The following UNC80 variants were observed in gnomAD, a reference collection of about 807,000 sequenced individuals.
UNC80 encodes protein unc-80 homolog.
In UNC80, 164 loss-of-function variants were observed where a neutral mutation model predicts 384.6. The ratio of observed to expected loss-of-function variants is 0.43; its 90% CI spans 0.38 to 0.49. UNC80 has a LOEUF of 0.49. Among genes scored for constraint, UNC80 ranks in the 20% least tolerant of loss-of-function variants. The pLI is 0.00. For missense variants in UNC80, 3,330 were observed against 4,143.0 expected, an observed-to-expected ratio of 0.80 and a Z score of 5.39; for synonymous variants, 1,486 against 1,527.8, an observed-to-expected ratio of 0.97 and a Z score of 0.64.
intron 61 of UNC80, among the ~76,000 whole-genome samples, chr2:209,991,082 T>G (rs1409078115): frequency 1.3e-5 from 2 of 152,202 alleles, no homozygotes. Flanking sequence ...TGCAGCTGGG[T>G]ATTTAAGTAG....
At chr2:209,929,199 G>A (rs914146487) in intron 36 of UNC80, among the ~76,000 whole-genome samples, 2 of 152,210 alleles carry the variant, frequency 1.3e-5, no homozygotes, top group African/African-American at 2.4e-5. Flanking sequence ...TGGGAAACAC[G>A]TTGAAACTAA....
chr2:209,829,144 G>A (rs2080769045), intron 14 of UNC80, 88 bp from the exon 15 acceptor site: 4 of 1,478,986 alleles, frequency 2.7e-6, no homozygotes, highest in Non-Finnish European at 3.6e-6. Flanking sequence ...GGAAACCCTT[G>A]CCTTCTGAAG....
intron 22 of UNC80, among the ~76,000 whole-genome samples, chr2:209,851,530 C>A (rs2082529488): frequency 6.6e-6 from 1 of 152,084 alleles, no homozygotes; most frequent in Non-Finnish European, 1.5e-5. Flanking sequence ...ATTAACTCAG[C>A]AAATGTCTTT....
rs572289194 is a variant in UNC80, at chr2:209,823,790, G to T, written c.2332-2117G>T. ...GATATTATGATTCCAATTTTGTAAG[G>T]CACAGGTAGGTTAAGTAGTTTGTCC... On this transcript the variant is annotated intron_variant, in intron 13 of 64. Transcript: ENST00000673920. Among the ~76,000 whole-genome samples the T allele has an allele frequency of 6.6e-5, 10 of 151,754 alleles. 1 individual carries two copies. The South Asian group carries it at 1.9e-3, about 28-fold the overall frequency.
chr2:209,784,300 G>C (rs1050754026), intron 4 of UNC80, among the ~76,000 whole-genome samples: 1 of 152,094 alleles, frequency 6.6e-6, no homozygotes, highest in African/African-American at 2.4e-5. Context: ...TCAACAGCCT[G>C]AGTGAACCTA....
chr2:209,904,262 TTC>T (rs1468123722), intron 28 of UNC80, among the ~76,000 whole-genome samples: 1 of 152,140 alleles, frequency 6.6e-6, no homozygotes, highest in African/African-American at 2.4e-5. Flanking sequence ...AAGGTTCAAG[TTC>T]TAGTTGAAGA....
intron 47 of UNC80, among the ~76,000 whole-genome samples, chr2:209,950,076 C>T (rs1266567490): frequency 6.6e-6 from 1 of 152,056 alleles, no homozygotes; most frequent in Non-Finnish European, 1.5e-5. Context: ...AAGTGTTCCT[C>T]CCACCTCAGC....
intron 61 of UNC80, 90 bp from the exon 62 acceptor site, chr2:209,992,076 G>A (rs1354845735): frequency 3.1e-6 from 3 of 980,072 alleles, no homozygotes; most frequent in Non-Finnish European, 4.6e-6. Context: ...TGAAGTGACT[G>A]TATCATACAA....
intron 31 of UNC80, among the ~76,000 whole-genome samples, chr2:209,914,552 C>G (rs2089296531): frequency 6.8e-6 from 1 of 146,098 alleles, no homozygotes; most frequent in Non-Finnish European, 1.5e-5. Flanking sequence ...GACCCGCCCC[C>G]CTCTCCCCAT....
intron 7 of UNC80, among the ~76,000 whole-genome samples, chr2:209,802,723 G>A (rs1293178942): frequency 6.6e-6 from 1 of 151,974 alleles, no homozygotes; most frequent in Admixed American, 6.6e-5. Flanking sequence ...CGATTTTAGG[G>A]GAAAACCCAG....
chr2:209,882,555 C>A (rs1031643445), intron 25 of UNC80, among the ~76,000 whole-genome samples: 4 of 152,156 alleles, frequency 2.6e-5, no homozygotes, highest in African/African-American at 4.8e-5. Flanking sequence ...GAAGTTTCTT[C>A]TACTGCCCTT....
chr2:209,777,029 G>A (rs560203316), intron 3 of UNC80, among the ~76,000 whole-genome samples: 11 of 152,180 alleles, frequency 7.2e-5, no homozygotes, highest in African/African-American at 2.7e-4. Context: ...AATATATTTG[G>A]GTACCTAACT....
rs1285111525 is a variant in UNC80 at position 209,771,985 on chromosome 2, G to A, written c.-88G>A. 3 of 948,710 alleles carry A rather than the reference G, an allele frequency of 3.2e-6. No homozygotes were observed. The highest frequency in any genetic ancestry group is 4.0e-5 in the Admixed American group (2 of 49,526). 58.8% of individuals were successfully genotyped at this position (948,710 alleles called of 1,614,324 possible). A position where few individuals can be genotyped will look rare whatever the true frequency, so the allele number is the denominator to read the frequency against. ...TCTGCCTCGGGGAAGGAGGGGATGA[G>A]AGTTGGGAGCAGCGGGAGGAGGCGG... On this transcript the variant is annotated 5_prime_UTR_variant, in exon 1 of 65. Transcript: ENST00000673920.
Position 209,819,262 on chromosome 2 carries a change from G to A in UNC80, c.1962+1G>A. 6.5e-7 allele frequency: 1 copy of A among 1,541,966 alleles called. No homozygotes were observed. Among genetic ancestry groups the A allele is most frequent in the South Asian group, 1.2e-5 (1 of 82,452 alleles). On this transcript the variant is annotated splice_donor_variant, in intron 12 of 64. Coordinates refer to ENST00000673920, the MANE Select transcript of UNC80 (RefSeq NM_001371986.1). LOFTEE classifies it high-confidence loss of function. ...CAAGAATGGAATGCTTGATCTTTCT[G>A]TAAGAAGCAAGAATTTTTCTTACCA...
In UNC80 at chr2:209,954,250, C is replaced by T. The variant is rs2092315942; in HGVS notation, c.7437C>T (p.Tyr2479=). 1.9e-6 allele frequency: 3 copies of T among 1,550,098 alleles called. No individual in the cohort carries two copies. In the East Asian group the frequency reaches 7.3e-5, roughly 38 times the overall value. ...CGACGTCCCTACAGGCCCTTTTGTA[C>T]AGTGTAGAGGTCCTCACCAGGTAAT... The part of the protein sequence containing the change: ...ALATSLQALL[Y]SVEVLTRPMT... The change falls in exon 48 of 65, where the codon TAC becomes TAT. Residue 2479 remains tyrosine, a synonymous_variant. Coordinates refer to ENST00000673920, the MANE Select transcript of UNC80 (RefSeq NM_001371986.1).
chr2:209,939,787 A>G (rs1418378142), intron 43 of UNC80, 135 bp downstream of exon 43: 7 of 753,040 alleles, frequency 9.3e-6, no homozygotes, highest in African/African-American at 1.8e-5. Context: ...ACATATGTAT[A>G]CATGTGCCAT....
In UNC80 at chr2:209,945,839, T is replaced by A; in HGVS notation, c.7190-8T>A. On this transcript the variant is annotated splice_polypyrimidine_tract_variant and splice_region_variant and intron_variant, in intron 46 of 64. Coordinates refer to ENST00000673920, the MANE Select transcript of UNC80 (RefSeq NM_001371986.1). ...CTGATAGTTTGCCTTTACTTTTTGTTCCTTCAGATTTCTGCTATGGAAACG... is the reference window on the plus strand; with the variant it reads ...CTGATAGTTTGCCTTTACTTTTTGTACCTTCAGATTTCTGCTATGGAAACG... The A allele has an allele frequency of 6.5e-7, 1 of 1,548,770 alleles. No individual in the cohort carries two copies. Among genetic ancestry groups the A allele is most frequent in the Non-Finnish European group, 8.7e-7 (1 of 1,144,422 alleles).
intron 45 of UNC80, among the ~76,000 whole-genome samples, 173 bp from the exon 46 acceptor site, chr2:209,944,878 G>T (rs1159210360): frequency 6.6e-6 from 1 of 152,110 alleles, no homozygotes; most frequent in African/African-American, 2.4e-5. Flanking sequence ...AAAGTCAGGT[G>T]TACCACTCCA....
In UNC80 at chr2:209,819,235, C is replaced by T. The variant is rs1467598370; in HGVS notation, c.1936C>T (p.His646Tyr). 7 of 1,550,882 alleles carry T rather than the reference C, an allele frequency of 4.5e-6. No homozygotes were observed. The highest frequency in any genetic ancestry group is 2.0e-5 in the Admixed American group (1 of 50,936). ...TATTGACGGGACCAATAACTTTGTC[C>T]ACAAGAATGGAATGCTTGATCTTTC... ...EHIDGTNNFV[H>Y]KNGMLDLSVV... The change falls in exon 12 of 65, where the codon CAC (histidine) becomes TAC (tyrosine). Residue 646 changes from histidine to tyrosine, a missense_variant. Transcript: ENST00000673920.
Sources: allele counts gnomAD v4.1 joint callset (sites outside exome capture counted in the v4.1 genomes callset), GRCh38; gene constraint gnomAD v4.1.1; transcripts MANE v1.5; gene names NCBI Gene and HGNC (gene_info 2026-07-23, HGNC 2026-07-21).